Variants in CCDC141 observed in about 807,000 individuals in gnomAD.
CCDC141 encodes the protein coiled-coil domain-containing protein 141.
A neutral mutation model predicts 181.0 loss-of-function variants in CCDC141; 168 were observed. The ratio of observed to expected loss-of-function variants is 0.93; its 90% CI spans 0.82 to 1.05. The LOEUF (loss-of-function observed/expected upper bound fraction) is 1.05. CCDC141 is among the 50% of genes least tolerant of loss of function. CCDC141 has a pLI of 0.00. For missense variants in CCDC141, 1,902 were observed against 1,788.5 expected, an observed-to-expected ratio of 1.06 and a Z score of -1.14; for synonymous variants, 666 against 642.3, an observed-to-expected ratio of 1.04 and a Z score of -0.56.
intron 2 of CCDC141, among the ~76,000 whole-genome samples, chr2:179,001,152 C>A (rs1022447754): frequency 6.6e-6 from 1 of 152,096 alleles, no homozygotes; most frequent in African/African-American, 2.4e-5. Flanking sequence ...TCCTTTAGCA[C>A]CAGTGAAATG....
downstream of CCDC141, among the ~76,000 whole-genome samples, chr2:178,827,156 G>A (rs929114184): frequency 3.3e-5 from 5 of 151,878 alleles, no homozygotes; most frequent in Non-Finnish European, 7.4e-5. Context: ...GGTATTTCTG[G>A]ATTTTTGAGC....
At chr2:178,842,477 G>A (rs1032282366) in intron 22 of CCDC141, among the ~76,000 whole-genome samples, 1 of 152,174 alleles carries the variant, frequency 6.6e-6, no homozygotes, top group African/African-American at 2.4e-5. Flanking sequence ...CATTTCTGCT[G>A]ATGGGCATAA....
At chr2:178,926,347 T>G (rs192484578) in intron 6 of CCDC141, among the ~76,000 whole-genome samples, 22 of 152,258 alleles carry the variant, frequency 1.4e-4, no homozygotes, top group Admixed American at 9.2e-4. Context: ...AAAATAGTAG[T>G]TTAAACCTTA....
intron 17 of CCDC141, among the ~76,000 whole-genome samples, chr2:178,863,504 C>T (rs534446687): frequency 2.0e-4 from 31 of 152,254 alleles, no homozygotes; most frequent in Admixed American, 9.8e-4. Context: ...ATGATAACAA[C>T]GATAATAATG....
chr2:178,868,441 A>G (rs948978789), intron 15 of CCDC141, among the ~76,000 whole-genome samples: 2 of 152,116 alleles, frequency 1.3e-5, no homozygotes, highest in Non-Finnish European at 2.9e-5. Flanking sequence ...GTCATGACCC[A>G]AAACCTTAGC....
At chr2:178,973,564 G>A (rs942547654) in intron 4 of CCDC141, among the ~76,000 whole-genome samples, 1 of 152,076 alleles carries the variant, frequency 6.6e-6, no homozygotes, top group African/African-American at 2.4e-5. Flanking sequence ...CCACAGTGCC[G>A]CAGATCCTAG....
At chr2:179,014,174 G>T (rs1166073508) in intron 2 of CCDC141, among the ~76,000 whole-genome samples, 2 of 151,964 alleles carry the variant, frequency 1.3e-5, no homozygotes, top group African/African-American at 2.4e-5. Flanking sequence ...AGCAGGGAAA[G>T]GACACCCTTT....
At chr2:178,992,469 C>T in intron 2 of CCDC141, among the ~76,000 whole-genome samples, 1 of 150,900 alleles carries the variant, frequency 6.6e-6, no homozygotes, top group Non-Finnish European at 1.5e-5. Flanking sequence ...CCTTCCTTAT[C>T]CTTCCAAATT....
rs1423459604 is a variant in CCDC141, at chr2:178,853,595, G to A, written c.3090C>T (p.Ala1030=). Residue 1030 remains alanine (A), a synonymous_variant, in exon 20 of 24, where the codon GCC becomes GCT. Coordinates refer to ENST00000443758, the MANE Select transcript of CCDC141 (RefSeq NM_173648.4). ...ECHFWYEDAS[A]TVVRVGKYST... is the part of the protein sequence containing the mutation. ...AATATTTTCCAACTCTTACAACTGT[G>A]GCACTTGCATCTTCGTACCAAAAAT... The A allele has an allele frequency of 6.2e-7, 1 of 1,612,946 alleles. No individual in the cohort carries two copies. Among genetic ancestry groups the A allele is most frequent in the South Asian group, 1.1e-5 (1 of 90,888 alleles).
chr2:178,961,207 CAT>C, intron 5 of CCDC141, 21 bp downstream of exon 5: 1 of 1,547,430 alleles, frequency 6.5e-7, no homozygotes, highest in South Asian at 1.2e-5. Flanking sequence ...GCTGGAACAT[CAT>C]CCAATGCCCC....
intron 2 of CCDC141, among the ~76,000 whole-genome samples, chr2:178,979,475 T>G (rs567587900): frequency 1.3e-5 from 2 of 152,228 alleles, no homozygotes; most frequent in South Asian, 4.1e-4. Flanking sequence ...GACAAGTACA[T>G]AATTAAATAT....
At chr2:178,927,214 A>G (rs1314133616) in intron 6 of CCDC141, among the ~76,000 whole-genome samples, 1 of 152,046 alleles carries the variant, frequency 6.6e-6, no homozygotes, top group East Asian at 1.9e-4. Flanking sequence ...CTCATTCTAT[A>G]CTCAATAATC....
chr2:179,000,584 T>G (rs958394217), intron 2 of CCDC141, among the ~76,000 whole-genome samples: 1 of 152,198 alleles, frequency 6.6e-6, no homozygotes, highest in South Asian at 2.1e-4. Flanking sequence ...AGTGGCTATT[T>G]AAACTCCCAT....
chr2:178,966,511 AC>A (rs1360644893), intron 4 of CCDC141, among the ~76,000 whole-genome samples: 1 of 152,184 alleles, frequency 6.6e-6, no homozygotes, highest in African/African-American at 2.4e-5. Context: ...ACTCCAGCAG[AC>A]CTGCAGCAGA....
At position 178,865,816 on chromosome 2, in the gene CCDC141, G is replaced by A. The variant is rs759370877; in HGVS notation, c.2675C>T (p.Thr892Ile). 2.5e-6 allele frequency: 4 copies of A among 1,605,860 alleles called. No individual in the cohort carries two copies. The East Asian group carries it at 6.8e-5, about 27-fold the overall frequency. Residue 892 changes from threonine to isoleucine, a missense_variant, in exon 17 of 24, where the codon ACC becomes ATC. Coordinates refer to ENST00000443758, the MANE Select transcript of CCDC141 (RefSeq NM_173648.4). Reference protein sequence around the residue: ...WRAKAEEYGRTLSRSVEYCAM... With the variant: ...WRAKAEEYGRILSRSVEYCAM... ...GCAGTACTCCACACTACGGGACAGG[G>A]TCCGTCCATACTCCTCAGCTTTGGC... is the stretch of plus-strand genomic sequence containing the variant.
At chr2:179,004,536 T>C (rs1460505066) in intron 2 of CCDC141, among the ~76,000 whole-genome samples, 1 of 152,182 alleles carries the variant, frequency 6.6e-6, no homozygotes, top group Non-Finnish European at 1.5e-5. Context: ...AATACTTTAT[T>C]GTCAATTTGA....
intron 17 of CCDC141, among the ~76,000 whole-genome samples, chr2:178,856,702 T>C (rs1685404593): frequency 6.6e-6 from 1 of 152,012 alleles, no homozygotes; most frequent in African/African-American, 2.4e-5. Context: ...AATTCTCATG[T>C]CTCTCCTAAG....
intron 4 of CCDC141, among the ~76,000 whole-genome samples, chr2:178,973,563 C>T (rs911030860): frequency 6.6e-6 from 1 of 152,038 alleles, no homozygotes; most frequent in Non-Finnish European, 1.5e-5. Context: ...CCCACAGTGC[C>T]GCAGATCCTA....
At position 179,049,723 on chromosome 2, in the gene CCDC141, T is replaced by C. The variant is rs1686179460; in HGVS notation, c.102+117A>G. ...CCATTTTAGAAAGCAGTAAGAGTGC[T>C]TGCTGCGTTGTCTTCTCTATGCTGT... On this transcript the variant is annotated intron_variant, in intron 1 of 23. Coordinates refer to ENST00000443758, the MANE Select transcript of CCDC141 (RefSeq NM_173648.4). 6.4e-6 allele frequency: 7 copies of C among 1,095,434 alleles called. No individual in the cohort carries two copies. In the South Asian group the frequency reaches 9.7e-5, roughly 15 times the overall value. The allele number at this position is 1,095,434 out of a possible 1,614,324, so 67.9% of individuals were successfully genotyped here.
Sources: gnomAD v4.1 joint callset for allele counts (sites outside exome capture counted in the v4.1 genomes callset) on GRCh38, gnomAD v4.1.1 for gene constraint, MANE v1.5 for transcripts, NCBI Gene and HGNC (gene_info 2026-07-23, HGNC 2026-07-21) for gene names.